The following IFT52 variants were observed in gnomAD, a reference collection of about 807,000 sequenced individuals.
The protein encoded by IFT52 is intraflagellar transport 52, also known as intraflagellar transport protein 52 homolog.
Under a neutral mutation model 54.4 loss-of-function variants are expected in IFT52, and 44 were observed. The observed-to-expected ratio is 0.81, with a 90% CI of 0.63 to 1.04. The LOEUF (loss-of-function observed/expected upper bound fraction) is 1.04. Ranked by LOEUF, IFT52 falls within the 50% of genes least tolerant of loss-of-function variation. IFT52 has a pLI of 0.00. For missense variants in IFT52, 452 were observed against 523.6 expected (o/e 0.86, Z 1.33); for synonymous variants, 181 against 185.3 (o/e 0.98, Z 0.19).
At chr20:43,612,885 T>G (rs534425573) in intron 6 of IFT52, among the ~76,000 whole-genome samples, 158 of 152,264 alleles carry the variant, frequency 1.0e-3, no homozygotes, top group African/African-American at 3.7e-3. Context: ...TTCTCTCCAT[T>G]CTGAGAGCAC....
intron 10 of IFT52, among the ~76,000 whole-genome samples, chr20:43,634,253 C>T (rs1985375130): frequency 6.6e-6 from 1 of 151,308 alleles, no homozygotes; most frequent in African/African-American, 2.4e-5. Context: ...AGATAAAGCA[C>T]ATAATACTTT....
At chr20:43,623,854 C>T in intron 9 of IFT52, 37 bp from the exon 10 acceptor site, 3 of 1,605,252 alleles carry the variant, frequency 1.9e-6, no homozygotes, top group Non-Finnish European at 2.6e-6. Context: ...AATGCTTGCT[C>T]TTGCTGTGCT....
chr20:43,602,305 C>T (rs150981770), intron 3 of IFT52, among the ~76,000 whole-genome samples: 4,061 of 151,864 alleles, frequency 0.027, 67 homozygotes, highest in Non-Finnish European at 0.037. Context: ...GCGGGGATTA[C>T]AGGCATCTGC....
chr20:43,643,514 T>A lies in IFT52; in HGVS notation c.1266+890T>A, dbSNP rs1227248126. ...AAAAAAACAAAAAAATAGAGCTGGGTAAGAGGGATCAAGTGTGCTGAGTGT... is the reference window on the plus strand; with the variant it reads ...AAAAAAACAAAAAAATAGAGCTGGGAAAGAGGGATCAAGTGTGCTGAGTGT... On this transcript the variant is annotated intron_variant, in intron 13 of 13. Coordinates refer to ENST00000373030, the MANE Select transcript of IFT52 (RefSeq NM_016004.5). Among the ~76,000 whole-genome samples, 2 of 54,702 alleles carry A rather than the reference T, an allele frequency of 3.7e-5. 1 individual carries two copies. The highest frequency in any genetic ancestry group is 8.6e-5 in the Non-Finnish European group (2 of 23,196). 35.9% of individuals were successfully genotyped at this position (54,702 alleles called of 152,430 possible).
At chr20:43,633,064 C>A (rs564525171) in intron 10 of IFT52, among the ~76,000 whole-genome samples, 1 of 152,294 alleles carries the variant, frequency 6.6e-6, no homozygotes, top group South Asian at 2.1e-4. Flanking sequence ...CAAAATTGGC[C>A]GGGCTTGGTG....
intron 3 of IFT52, among the ~76,000 whole-genome samples, chr20:43,601,570 T>C (rs1601026934): frequency 6.6e-6 from 1 of 152,208 alleles, no homozygotes; most frequent in Non-Finnish European, 1.5e-5. Context: ...AGATGGCCAA[T>C]AGGACACAGT....
chr20:43,607,631 CG>C (rs1226788563), intron 6 of IFT52, among the ~76,000 whole-genome samples: 1 of 144,984 alleles, frequency 6.9e-6, no homozygotes, highest in African/African-American at 2.6e-5. Flanking sequence ...GATGGGATGG[CG>C]GCCGGGCAGA....
intron 3 of IFT52, among the ~76,000 whole-genome samples, chr20:43,601,418 C>G (rs889663379): frequency 2.0e-5 from 3 of 152,144 alleles, no homozygotes; most frequent in African/African-American, 7.2e-5. Context: ...CAGTTTGTAC[C>G]AAATATCCAT....
chr20:43,615,521 G>A (rs951036591), intron 7 of IFT52, among the ~76,000 whole-genome samples: 2 of 152,016 alleles, frequency 1.3e-5, no homozygotes, highest in African/African-American at 2.4e-5. Flanking sequence ...AAAAGCTCTC[G>A]GGCTGGGCGT....
intron 10 of IFT52, among the ~76,000 whole-genome samples, chr20:43,635,711 G>T (rs1985484159): frequency 6.6e-6 from 1 of 152,154 alleles, no homozygotes; most frequent in Non-Finnish European, 1.5e-5. Flanking sequence ...ATTGTGAATA[G>T]TGCTGCAGTG....
intron 7 of IFT52, among the ~76,000 whole-genome samples, chr20:43,614,780 T>A (rs186554155): frequency 2.0e-5 from 3 of 151,854 alleles, no homozygotes; most frequent in African/African-American, 7.2e-5. Context: ...TCCCAGGCAG[T>A]GACCCAACAT....
At chr20:43,638,294 G>C (rs899767376) in intron 12 of IFT52, among the ~76,000 whole-genome samples, 2 of 151,840 alleles carry the variant, frequency 1.3e-5, no homozygotes, top group Non-Finnish European at 2.9e-5. Context: ...GAGTTCAAGC[G>C]ATTCTCCTGC....
Position 43,640,753 on chromosome 20 carries a change from C to T in IFT52, c.1121-1726C>T, listed in dbSNP as rs543632681. ...AATCAGAGGGAGAATAAATTAATTA[C>T]AGCTGGGCTCAGTGGCTCATGCCTA... On this transcript the variant is annotated intron_variant, in intron 12 of 13. Coordinates refer to ENST00000373030, the MANE Select transcript of IFT52 (RefSeq NM_016004.5). 3.3e-5 allele frequency among the ~76,000 whole-genome samples: 5 copies of T among 152,056 alleles called. 1 individual carries two copies. Among genetic ancestry groups the T allele is most frequent in the African/African-American group, 1.2e-4 (5 of 41,524 alleles).
At chr20:43,625,168 G>A (rs1469237500) in intron 10 of IFT52, among the ~76,000 whole-genome samples, 1 of 152,034 alleles carries the variant, frequency 6.6e-6, no homozygotes, top group Non-Finnish European at 1.5e-5. Context: ...GATTACATAC[G>A]TCAAGCAGAG....
intron 6 of IFT52, among the ~76,000 whole-genome samples, chr20:43,607,575 G>C (rs960856617): frequency 2.2e-4 from 32 of 147,958 alleles, no homozygotes; most frequent in Non-Finnish European, 4.2e-4. Context: ...GACGATGGGC[G>C]GCCGGGCAGA....
At chr20:43,618,569 C>T (rs961589745) in intron 7 of IFT52, among the ~76,000 whole-genome samples, 2 of 152,172 alleles carry the variant, frequency 1.3e-5, no homozygotes, top group Non-Finnish European at 1.5e-5. Flanking sequence ...GCAACCTCCG[C>T]CTCCTAAGTT....
chr20:43,598,609 C>A (rs541826596), intron 3 of IFT52, among the ~76,000 whole-genome samples: 1 of 152,072 alleles, frequency 6.6e-6, no homozygotes, highest in South Asian at 2.1e-4. Context: ...GTGGGAGAAT[C>A]GCTTGAACCT....
chr20:43,626,540 C>T (rs191607207), intron 10 of IFT52, among the ~76,000 whole-genome samples: 1 of 152,250 alleles, frequency 6.6e-6, no homozygotes, highest in East Asian at 1.9e-4. Flanking sequence ...GCCACAGCAC[C>T]TGGACCTATT....
In IFT52 at chr20:43,645,837, C is replaced by A. The variant is rs1305802158; in HGVS notation, c.1267-1099C>A. On this transcript the variant is annotated intron_variant, in intron 13 of 13. Coordinates refer to ENST00000373030, the MANE Select transcript of IFT52 (RefSeq NM_016004.5). Reference sequence around the variant, plus strand: ...CAGTGATCATGCCACTGCACTCCATCCAGGGTGATAGAGTGAGACCCTGTT... The same window carrying A: ...CAGTGATCATGCCACTGCACTCCATACAGGGTGATAGAGTGAGACCCTGTT... Among the ~76,000 whole-genome samples, 4 of 49,604 alleles carry A rather than the reference C, an allele frequency of 8.1e-5. 2 individuals are homozygous for A. Among genetic ancestry groups the A allele is most frequent in the African/African-American group, 2.3e-4 (4 of 17,030 alleles). 32.5% of individuals were successfully genotyped at this position (49,604 alleles called of 152,430 possible).
Sources: allele counts gnomAD v4.1 joint callset (sites outside exome capture counted in the v4.1 genomes callset), GRCh38; gene constraint gnomAD v4.1.1; transcripts MANE v1.5; gene names NCBI Gene and HGNC (gene_info 2026-07-23, HGNC 2026-07-21).